Variants in DLC1 observed in about 807,000 individuals in gnomAD.
DLC1 encodes the protein DLC1 Rho GTPase activating protein, also known as rho GTPase-activating protein 7.
Under a neutral mutation model 140.3 loss-of-function variants are expected in DLC1, and 54 were observed. The ratio of observed to expected loss-of-function variants is 0.38; its 90% CI spans 0.31 to 0.48. The LOEUF (loss-of-function observed/expected upper bound fraction) is 0.48, where lower values mean the gene tolerates loss of function less well. Ranked by LOEUF, DLC1 falls within the 20% of genes least tolerant of loss-of-function variation. The pLI is 0.96. For missense variants in DLC1, 2,536 were observed against 1,907.0 expected (o/e 1.33, Z -6.14); for synonymous variants, 986 against 728.1 (o/e 1.35, Z -5.70).
At chr8:13,137,598 G>GT (rs1822666295) in intron 5 of DLC1, among the ~76,000 whole-genome samples, 2 of 114,962 alleles carry the variant, frequency 1.7e-5, no homozygotes, top group African/African-American at 7.0e-5. Flanking sequence ...TCAGTTTTTG[G>GT]TTTTGTTTTT....
At chr8:13,525,523 G>C (rs895848110) in intron 1 of DLC1, among the ~76,000 whole-genome samples, 5 of 152,080 alleles carry the variant, frequency 3.3e-5, no homozygotes, top group Admixed American at 2.6e-4. Flanking sequence ...TTTAGTTTTA[G>C]CCATTCTAAT....
chr8:13,460,916 TA>T (rs1473201449), intron 2 of DLC1, among the ~76,000 whole-genome samples: 1 of 152,160 alleles, frequency 6.6e-6, no homozygotes, highest in Non-Finnish European at 1.5e-5. Context: ...CCTGTGCGTG[TA>T]AAAATATATG....
chr8:13,208,019 T>C (rs1827758826), intron 5 of DLC1, among the ~76,000 whole-genome samples: 1 of 152,218 alleles, frequency 6.6e-6, no homozygotes, highest in Admixed American at 6.5e-5. Context: ...ATGTCTAGTA[T>C]TTGTTTTAAT....
intron 7 of DLC1, among the ~76,000 whole-genome samples, chr8:13,108,420 T>C (rs1819778967): frequency 6.6e-6 from 1 of 152,224 alleles, no homozygotes; most frequent in Non-Finnish European, 1.5e-5. Context: ...AGTCTGCTTC[T>C]TCTAGGCTTT....
intron 5 of DLC1, among the ~76,000 whole-genome samples, chr8:13,251,100 G>A (rs1337615129): frequency 2.6e-5 from 4 of 152,168 alleles, no homozygotes; most frequent in African/African-American, 9.7e-5. Context: ...CCACCTTCTT[G>A]TCTTCTCACA....
At chr8:13,578,630 A>G (rs926943901) in intron 1 of DLC1, among the ~76,000 whole-genome samples, 5 of 152,136 alleles carry the variant, frequency 3.3e-5, no homozygotes, top group African/African-American at 9.7e-5. Context: ...CTCAGGTTCA[A>G]TTAATTTGTT....
At position 13,229,624 on chromosome 8, in the gene DLC1, AAGGAG is replaced by A. The variant is rs567037588; in HGVS notation, c.1348+75640_1348+75644del. 2.1e-3 allele frequency among the ~76,000 whole-genome samples: 319 copies of A among 151,864 alleles called. 2 individuals are homozygous for A. Among genetic ancestry groups the A allele is most frequent in the Admixed American group, 4.7e-3 (72 of 15,254 alleles). On this transcript the variant is annotated intron_variant, in intron 5 of 17. Transcript: ENST00000276297. ...TAAAGCTGGAGGGATAGAGGGAAGG[AAGGAG>A]AGAAGAAGGAAGAGAGAGAGAAAGA...
chr8:13,589,294 A>G (rs190757633), intron 1 of DLC1, among the ~76,000 whole-genome samples: 294 of 152,232 alleles, frequency 1.9e-3, no homozygotes, highest in Admixed American at 3.5e-3. Flanking sequence ...ATGCTATTAG[A>G]AAAACAAAAA....
chr8:13,590,963 C>T (rs1293152644), intron 1 of DLC1, among the ~76,000 whole-genome samples: 1 of 151,892 alleles, frequency 6.6e-6, no homozygotes, highest in East Asian at 1.9e-4. Flanking sequence ...CAAATTTGGC[C>T]AATATTTTCT....
chr8:13,326,500 C>G (rs762341957), intron 4 of DLC1, among the ~76,000 whole-genome samples: 1 of 152,176 alleles, frequency 6.6e-6, no homozygotes, highest in Non-Finnish European at 1.5e-5. Flanking sequence ...AAGCTGCCTA[C>G]TACTTTCCCT....
intron 5 of DLC1, among the ~76,000 whole-genome samples, chr8:13,162,869 G>A (rs1383740917): frequency 6.6e-6 from 1 of 152,160 alleles, no homozygotes; most frequent in African/African-American, 2.4e-5. Flanking sequence ...AGGAGTATGA[G>A]GCTGCAGGAT....
chr8:13,218,992 A>ATATAATTG (rs1828378358), intron 5 of DLC1, among the ~76,000 whole-genome samples: 2 of 123,492 alleles, frequency 1.6e-5, no homozygotes, highest in Non-Finnish European at 3.2e-5. Flanking sequence ...CTATATAATT[A>ATATAATTG]TATACGAATA....
rs556849278 is a variant in DLC1 at position 13,143,977 on chromosome 8, G to A, written c.1349-28320C>T. 5.3e-5 allele frequency among the ~76,000 whole-genome samples: 8 copies of A among 152,256 alleles called. No homozygotes were observed. The South Asian group carries it at 6.2e-4, about 12-fold the overall frequency. Reference sequence around the variant, plus strand: ...ACCCCAGCTATCATCTGACTGCAGCGGCCGGAGAGACCCTGTGATGGTTAA... The same window carrying A: ...ACCCCAGCTATCATCTGACTGCAGCAGCCGGAGAGACCCTGTGATGGTTAA... On this transcript the variant is annotated intron_variant, in intron 5 of 17. Transcript: ENST00000276297.
chr8:13,463,639 T>A (rs911844068), intron 2 of DLC1, among the ~76,000 whole-genome samples: 3 of 152,204 alleles, frequency 2.0e-5, no homozygotes, highest in African/African-American at 7.2e-5. Flanking sequence ...TGCTCCAAAT[T>A]GGGGCTAGTC....
intron 1 of DLC1, among the ~76,000 whole-genome samples, chr8:13,520,889 C>T (rs1802744587): frequency 1.3e-5 from 2 of 152,096 alleles, no homozygotes; most frequent in South Asian, 4.2e-4. Context: ...CTCCAGTCAC[C>T]ACCCTTGTTA....
At chr8:13,530,572 G>C (rs1328579930) in intron 1 of DLC1, among the ~76,000 whole-genome samples, 1 of 152,154 alleles carries the variant, frequency 6.6e-6, no homozygotes, top group Non-Finnish European at 1.5e-5. Context: ...ATGCCTGCGA[G>C]TCAAAACTTC....
At chr8:13,394,223 T>C (rs1456425341) in intron 3 of DLC1, among the ~76,000 whole-genome samples, 1 of 152,218 alleles carries the variant, frequency 6.6e-6, no homozygotes, top group East Asian at 1.9e-4. Context: ...AATGTCTATC[T>C]AATAAACTGA....
At chr8:13,117,002 A>G (rs1251503127) in intron 5 of DLC1, among the ~76,000 whole-genome samples, 1 of 152,216 alleles carries the variant, frequency 6.6e-6, no homozygotes, top group African/African-American at 2.4e-5. Context: ...ACTGAATAAA[A>G]GTGTAGAATT....
intron 2 of DLC1, among the ~76,000 whole-genome samples, chr8:13,424,028 A>C (rs955089369): frequency 2.0e-5 from 3 of 152,226 alleles, no homozygotes; most frequent in African/African-American, 7.2e-5. Flanking sequence ...TAAATTAAAC[A>C]ATCCTAAGAA....
Sources: gnomAD v4.1 joint callset for allele counts (sites outside exome capture counted in the v4.1 genomes callset) on GRCh38, gnomAD v4.1.1 for gene constraint, MANE v1.5 for transcripts, NCBI Gene and HGNC (gene_info 2026-07-23, HGNC 2026-07-21) for gene names.